The following AAMP variants were observed in gnomAD, a reference collection of about 807,000 sequenced individuals.
AAMP encodes angio associated migratory cell protein.
In AAMP, 12 loss-of-function variants were observed where a neutral mutation model predicts 51.1. The observed-to-expected ratio is 0.23, with a 90% CI of 0.15 to 0.38. The LOEUF is 0.38. Ranked by LOEUF, AAMP falls within the 10% of genes least tolerant of loss-of-function variation. AAMP has a pLI of 1.00. For synonymous variants in AAMP, 210 were observed against 218.7 expected, an observed-to-expected ratio of 0.96 and a Z score of 0.35; for missense variants, 418 against 557.2, an observed-to-expected ratio of 0.75 and a Z score of 2.52.
chr2:218,265,105 C>A lies in AAMP; in HGVS notation c.1144G>T (p.Val382Leu). 6.2e-7 allele frequency: 1 copy of A among 1,612,592 alleles called. No homozygotes were observed. The highest frequency in any genetic ancestry group is 8.5e-7 in the Non-Finnish European group (1 of 1,179,422). Residue 382 changes from valine to leucine, a missense_variant, in exon 10 of 11, where the codon GTG becomes TTG. Transcript: ENST00000248450. This position sits in a 1 kb window ranked among gnomAD's most constrained non-coding sequence, Gnocchi z 6.6. ...CCGGTCCGGGCGTCCCAGAGGCGCA[C>A]GATGCCATCCAGGCTGCAGGTATAT... ...VVYTCSLDGI[V>L]RLWDARTGRL...
chr2:218,264,750 G>T, intron 10 of AAMP, 142 bp from the exon 11 acceptor site: 2 of 843,996 alleles, frequency 2.4e-6, no homozygotes, highest in East Asian at 2.5e-5. Flanking sequence ...CAGCCAGCAT[G>T]GAGGGGATTA....
rs1199084193 is a variant in AAMP at position 218,267,846 on chromosome 2, C to T, written c.275-233G>A. Among the ~76,000 whole-genome samples the T allele has an allele frequency of 6.6e-6, 1 of 152,204 alleles. No individual in the cohort carries two copies. The highest frequency in any genetic ancestry group is 1.5e-5 in the Non-Finnish European group (1 of 68,036). Reference sequence around the variant, plus strand: ...TCCCCTCACTGTGTGACTCCCGTCACCACCCAACACCAATGCCATGGACAA... The same window carrying T: ...TCCCCTCACTGTGTGACTCCCGTCATCACCCAACACCAATGCCATGGACAA... On this transcript the variant is annotated intron_variant, in intron 2 of 10. Transcript: ENST00000248450. This position sits in a 1 kb window ranked among gnomAD's most constrained non-coding sequence, Gnocchi z 4.6.
intron 10 of AAMP, 78 bp downstream of exon 10, chr2:218,264,942 C>T: frequency 6.3e-7 from 1 of 1,593,806 alleles, no homozygotes; most frequent in Non-Finnish European, 8.6e-7. Context: ...TCCCACACCC[C>T]AAGGATCCTG....
rs1338347874 is a variant in AAMP, at chr2:218,265,755, G to A, written c.880-73C>T. On this transcript the variant is annotated intron_variant, in intron 7 of 10. Transcript: ENST00000248450. The surrounding 1 kb of genome is among the most constrained non-coding windows in gnomAD (Gnocchi z 6.6). ...ATGGAGAGAAAGACGGTGGGGAGAG[G>A]AGACAGTGAAGACCCAGGAAGGAAG... 1.2e-5 allele frequency: 19 copies of A among 1,576,482 alleles called. No homozygotes were observed. The highest frequency in any genetic ancestry group is 1.7e-5 in the Non-Finnish European group (19 of 1,149,084).
intron 1 of AAMP, 37 bp from the exon 2 acceptor site, chr2:218,269,571 A>T: frequency 6.2e-7 from 1 of 1,613,700 alleles, no homozygotes. Flanking sequence ...GGGGCTCGGG[A>T]GGCGGTAAGA....
Position 218,269,479 on chromosome 2 carries a change from C to G in AAMP, c.177G>C (p.Glu59Asp). 1 of 1,614,256 alleles carries G rather than the reference C, an allele frequency of 6.2e-7. No individual in the cohort carries two copies. The highest frequency in any genetic ancestry group is 8.5e-7 in the Non-Finnish European group (1 of 1,180,048). ...CTAGAACCCAGCCCTCTTCGTTGCC[C>G]TCTTCCTCCTCTTCTTCCTCAAAGT... is the stretch of plus-strand genomic sequence containing the variant. ...DVDFEEEEEE[E>D]GNEEGWVLEP... is the part of the protein sequence containing the mutation. Residue 59 changes from glutamate to aspartate, a missense_variant, in exon 2 of 11, where the codon GAG (glutamate) becomes GAC (aspartate). Transcript: ENST00000248450.
chr2:218,269,669 G>C lies in AAMP; in HGVS notation c.122-135C>G, dbSNP rs1690738598. 1.2e-5 allele frequency: 17 copies of C among 1,445,016 alleles called. No homozygotes were observed. In the East Asian group the frequency reaches 4.0e-4, roughly 34 times the overall value. The allele number at this position is 1,445,016 out of a possible 1,614,324, so 89.5% of individuals were successfully genotyped here. A position where few individuals can be genotyped will look rare whatever the true frequency, so the allele number is the denominator to read the frequency against. On this transcript the variant is annotated intron_variant, in intron 1 of 10. Transcript: ENST00000248450. ...TGGAGTCAGACACACCGGGGTCCGCGGGGGCGCGCGGGACACAGGACGGGA... is the reference window on the plus strand; with the variant it reads ...TGGAGTCAGACACACCGGGGTCCGCCGGGGCGCGCGGGACACAGGACGGGA...
In AAMP at chr2:218,269,447, TG is replaced by T; in HGVS notation, c.208del (p.Gln70ArgfsTer28). 1 of 1,614,216 alleles carries T rather than the reference TG, an allele frequency of 6.2e-7. No homozygotes were observed. ...GNEEGWVLEP[Q>X]EGVVGSMEGP... is the part of the protein sequence containing the mutation. ...CTCCATGCTGCCGACCACCCCTTCCTGGGGTTCTAGAACCCAGCCCTCTTCG... is the reference window on the plus strand; with the variant it reads ...CTCCATGCTGCCGACCACCCCTTCCTGGGTTCTAGAACCCAGCCCTCTTCG... On this transcript the variant is annotated frameshift_variant, in exon 2 of 11. Transcript: ENST00000248450. LOFTEE classifies it high-confidence loss of function.
At position 218,266,841 on chromosome 2, in the gene AAMP, T is replaced by C; in HGVS notation, c.534+6A>G. 1 of 1,613,970 alleles carries C rather than the reference T, an allele frequency of 6.2e-7. No individual in the cohort carries two copies. The highest frequency in any genetic ancestry group is 8.5e-7 in the Non-Finnish European group (1 of 1,180,018). Reference sequence around the variant, plus strand: ...ACAGAGCTGACTCCCGCTCTGATGATCTTACCTCCAGGTCTCCCGCTTCAA... The same window carrying C: ...ACAGAGCTGACTCCCGCTCTGATGACCTTACCTCCAGGTCTCCCGCTTCAA... On this transcript the variant is annotated splice_donor_region_variant and intron_variant, in intron 4 of 10. Coordinates refer to ENST00000248450, the MANE Select transcript of AAMP (RefSeq NM_001087.5). The surrounding 1 kb of genome is among the most constrained non-coding windows in gnomAD (Gnocchi z 4.7).
chr2:218,266,216 G>C lies in AAMP; in HGVS notation c.680-69C>G. ...CATACACTAAGCAAGGGAATGGGGAGAGGGAGAGGAAAGAAGAGTGGAAGG... is the reference window on the plus strand; with the variant it reads ...CATACACTAAGCAAGGGAATGGGGACAGGGAGAGGAAAGAAGAGTGGAAGG... On this transcript the variant is annotated intron_variant, in intron 5 of 10. Coordinates refer to ENST00000248450, the MANE Select transcript of AAMP (RefSeq NM_001087.5). This position sits in a 1 kb window ranked among gnomAD's most constrained non-coding sequence, Gnocchi z 4.7. 6.8e-7 allele frequency: 1 copy of C among 1,473,956 alleles called. No homozygotes were observed. The highest frequency in any genetic ancestry group is 9.5e-7 in the Non-Finnish European group (1 of 1,055,316). 91.3% of individuals were successfully genotyped at this position (1,473,956 alleles called of 1,614,324 possible). A position where few individuals can be genotyped will look rare whatever the true frequency, so the allele number is the denominator to read the frequency against.
chr2:218,264,207 G>A lies in AAMP; in HGVS notation c.*326C>T. ...CTCCTTTCCACCCCCAGAGACTTGG[G>A]AAGGGAAAGAACGGGAACCTCAAAC... On this transcript the variant is annotated 3_prime_UTR_variant, in exon 11 of 11. Transcript: ENST00000248450. The A allele has an allele frequency of 2.6e-6, 1 of 389,492 alleles. No individual in the cohort carries two copies. Among genetic ancestry groups the A allele is most frequent in the Non-Finnish European group, 4.6e-6 (1 of 215,250 alleles). The allele number at this position is 389,492 out of a possible 1,614,324, so 24.1% of individuals were successfully genotyped here.
Position 218,267,035 on chromosome 2 carries a change from G to C in AAMP, c.395-49C>G. ...ACAGAGGAAAAAAATAGGGTACCTG[G>C]TGCTGGGGGCATGTGATTCTGGTAT... On this transcript the variant is annotated intron_variant, in intron 3 of 10. Transcript: ENST00000248450. This position sits in a 1 kb window ranked among gnomAD's most constrained non-coding sequence, Gnocchi z 4.6. 6.2e-7 allele frequency: 1 copy of C among 1,604,464 alleles called. No individual in the cohort carries two copies. Among genetic ancestry groups the C allele is most frequent in the East Asian group, 2.2e-5 (1 of 44,694 alleles).
Position 218,266,159 on chromosome 2 carries a change from C to T in AAMP, c.680-12G>A. 1 of 1,612,548 alleles carries T rather than the reference C, an allele frequency of 6.2e-7. No individual in the cohort carries two copies. The highest frequency in any genetic ancestry group is 8.5e-7 in the Non-Finnish European group (1 of 1,178,698). On this transcript the variant is annotated splice_polypyrimidine_tract_variant and intron_variant, in intron 5 of 10. Coordinates refer to ENST00000248450, the MANE Select transcript of AAMP (RefSeq NM_001087.5). This position sits in a 1 kb window ranked among gnomAD's most constrained non-coding sequence, Gnocchi z 4.7. ...CACAGCTCTCTTCCCTGAAGAGAGG[C>T]ACAGATGAAGAGAGGGCAGAGGGCA... is the stretch of plus-strand genomic sequence containing the variant.
Position 218,265,059 on chromosome 2 carries a change from C to A in AAMP, c.1190G>T (p.Arg397Leu). The A allele has an allele frequency of 6.2e-7, 1 of 1,613,888 alleles. No homozygotes were observed. Among genetic ancestry groups the A allele is most frequent in the Non-Finnish European group, 8.5e-7 (1 of 1,180,020 alleles). The change falls in exon 10 of 11, where the codon CGG (arginine) becomes CTG (leucine). Residue 397 changes from arginine to leucine, a missense_variant. Coordinates refer to ENST00000248450, the MANE Select transcript of AAMP (RefSeq NM_001087.5). The surrounding 1 kb of genome is among the most constrained non-coding windows in gnomAD (Gnocchi z 6.6). ...ARTGRLLTDY[R>L]GHTAEILDFA... is the part of the protein sequence containing the mutation. ...GTCCAGGATCTCAGCCGTGTGGCCCCGGTAGTCAGTAAGCAGGCGGCCGGT... is the reference window on the plus strand; with the variant it reads ...GTCCAGGATCTCAGCCGTGTGGCCCAGGTAGTCAGTAAGCAGGCGGCCGGT...
Position 218,264,251 on chromosome 2 carries a change from A to G in AAMP, c.*282T>C. The G allele has an allele frequency of 2.1e-6, 1 of 480,918 alleles. No homozygotes were observed. The highest frequency in any genetic ancestry group is 1.9e-5 in the African/African-American group (1 of 52,180). 29.8% of individuals were successfully genotyped at this position (480,918 alleles called of 1,614,324 possible). On this transcript the variant is annotated 3_prime_UTR_variant, in exon 11 of 11. Transcript: ENST00000248450. ...CTCAAACACCTACTCCCCACATACAAATACACACCCCATGGCTCACACCAG... is the reference window on the plus strand; with the variant it reads ...CTCAAACACCTACTCCCCACATACAGATACACACCCCATGGCTCACACCAG...
Position 218,266,341 on chromosome 2 carries a change from C to CA in AAMP, c.679+101dup. ...GGTCAGCACTGCAAACAGCAGGCCT[C>CA]AGATTTTGCCGGCTGTGACCCAGAA... On this transcript the variant is annotated intron_variant, in intron 5 of 10. Transcript: ENST00000248450. This position sits in a 1 kb window ranked among gnomAD's most constrained non-coding sequence, Gnocchi z 4.7. 1 of 1,516,218 alleles carries CA rather than the reference C, an allele frequency of 6.6e-7. No homozygotes were observed. Among genetic ancestry groups the CA allele is most frequent in the Non-Finnish European group, 9.0e-7 (1 of 1,113,612 alleles). 93.9% of individuals were successfully genotyped at this position (1,516,218 alleles called of 1,614,324 possible).
rs1270367735 is a variant in AAMP, at chr2:218,266,031, G to A, written c.763+33C>T. On this transcript the variant is annotated intron_variant, in intron 6 of 10. Coordinates refer to ENST00000248450, the MANE Select transcript of AAMP (RefSeq NM_001087.5). This position sits in a 1 kb window ranked among gnomAD's most constrained non-coding sequence, Gnocchi z 4.7. ...CAGGTTCTCAGCCCCTCCCTACAAA[G>A]GCCCAGGCTAACACTTCCCCCACCT... 1.5e-5 allele frequency: 24 copies of A among 1,611,860 alleles called. No individual in the cohort carries two copies. Among genetic ancestry groups the A allele is most frequent in the Non-Finnish European group, 2.0e-5 (24 of 1,178,148 alleles).
Position 218,269,426 on chromosome 2 carries a change from A to G in AAMP, c.230T>C (p.Met77Thr). The stretch of plus-strand genomic sequence containing the variant: ...GACCTCGCTATCGTCGGGGCCCTCC[A>G]TGCTGCCGACCACCCCTTCCTGGGG... Reference protein sequence around the residue: ...LEPQEGVVGSMEGPDDSEVTF... With the variant: ...LEPQEGVVGSTEGPDDSEVTF... The change falls in exon 2 of 11, where the codon ATG becomes ACG. Residue 77 changes from methionine to threonine, a missense_variant. Met to Thr is a moderately conservative substitution (Grantham distance 81). Transcript: ENST00000248450. 1.2e-6 allele frequency: 2 copies of G among 1,614,172 alleles called. No individual in the cohort carries two copies. The highest frequency in any genetic ancestry group is 1.1e-5 in the South Asian group (1 of 91,090).
chr2:218,267,415 C>T lies in AAMP; in HGVS notation c.394+79G>A. The T allele has an allele frequency of 1.9e-6, 3 of 1,579,902 alleles. No homozygotes were observed. The highest frequency in any genetic ancestry group is 2.6e-6 in the Non-Finnish European group (3 of 1,158,330). On this transcript the variant is annotated intron_variant, in intron 3 of 10. Transcript: ENST00000248450. The surrounding 1 kb of genome is among the most constrained non-coding windows in gnomAD (Gnocchi z 4.6). ...GATGTCACTAAGTGGCTGTTGGATGCACAACCTCTGCAGGTCAGCCTCCTA... is the reference window on the plus strand; with the variant it reads ...GATGTCACTAAGTGGCTGTTGGATGTACAACCTCTGCAGGTCAGCCTCCTA...
Sources: allele counts gnomAD v4.1 joint callset (sites outside exome capture counted in the v4.1 genomes callset), GRCh38; gene constraint gnomAD v4.1.1; non-coding constraint Gnocchi (gnomAD v3.1); transcripts MANE v1.5; gene names NCBI Gene and HGNC (gene_info 2026-07-23, HGNC 2026-07-21).